Variants in MAN2A1 observed in about 807,000 individuals in gnomAD.
MAN2A1 encodes the protein alpha-mannosidase 2.
In MAN2A1, 76 loss-of-function variants were observed where a neutral mutation model predicts 142.6. The ratio of observed to expected loss-of-function variants is 0.53; its 90% confidence interval spans 0.44 to 0.65. The LOEUF is 0.65. MAN2A1 is among the 30% of genes least tolerant of loss of function. MAN2A1 has a pLI of 0.00. For synonymous variants in MAN2A1, 559 were observed against 473.2 expected (o/e 1.18, Z -2.35); for missense variants, 1,311 against 1,365.1 (o/e 0.96, Z 0.62).
chr5:109,745,466 G>A lies in MAN2A1; in HGVS notation c.708-9863G>A, dbSNP rs556478155. 2.7e-3 allele frequency among the ~76,000 whole-genome samples: 410 copies of A among 152,060 alleles called. 3 individuals are homozygous for A. The highest frequency in any genetic ancestry group is 9.0e-3 in the African/African-American group (373 of 41,490). The stretch of plus-strand genomic sequence containing the variant: ...GAGTTTTTAAATTTTATTCTTTAAC[G>A]TCTTTCACATTTTTCAACTTATTTT... On this transcript the variant is annotated intron_variant, in intron 4 of 21. Transcript: ENST00000261483.
At chr5:109,834,590 G>C (rs911524303) in intron 16 of MAN2A1, among the ~76,000 whole-genome samples, 1 of 151,880 alleles carries the variant, frequency 6.6e-6, no homozygotes, top group Non-Finnish European at 1.5e-5. Context: ...TTTAGTTTTT[G>C]ACATTTTCAT....
intron 12 of MAN2A1, among the ~76,000 whole-genome samples, chr5:109,803,732 G>T (rs13175917): frequency 0.17 from 25,930 of 151,932 alleles, 3,210 homozygotes; most frequent in East Asian, 0.64. Context: ...AAGACGAGGT[G>T]GTGTCAAAGA....
intron 5 of MAN2A1, among the ~76,000 whole-genome samples, chr5:109,759,656 G>A (rs1314348008): frequency 1.3e-5 from 2 of 152,118 alleles, no homozygotes; most frequent in African/African-American, 4.8e-5. Flanking sequence ...AGTTTATGTT[G>A]CAGCTTATGT....
intron 16 of MAN2A1, among the ~76,000 whole-genome samples, chr5:109,838,464 G>C (rs2112751978): frequency 6.6e-6 from 1 of 152,278 alleles, no homozygotes; most frequent in African/African-American, 2.4e-5. Context: ...GTGATGCACA[G>C]GTAAAACAGA....
chr5:109,792,331 G>A (rs1306433283), intron 12 of MAN2A1, among the ~76,000 whole-genome samples: 1 of 151,726 alleles, frequency 6.6e-6, no homozygotes, highest in Non-Finnish European at 1.5e-5. Flanking sequence ...TCTCATCTGT[G>A]AAATGCATCT....
intron 19 of MAN2A1, among the ~76,000 whole-genome samples, chr5:109,850,966 A>G (rs1355349839): frequency 2.0e-5 from 3 of 152,216 alleles, no homozygotes; most frequent in Admixed American, 6.5e-5. Flanking sequence ...AGTTAATACC[A>G]TGTAACTTGA....
intron 16 of MAN2A1, among the ~76,000 whole-genome samples, chr5:109,824,977 T>C (rs755492615): frequency 3.1e-4 from 47 of 152,170 alleles, no homozygotes; most frequent in Non-Finnish European, 1.0e-4. Flanking sequence ...ATAGGATGAA[T>C]CAAGAAGTAA....
At chr5:109,815,448 A>G (rs767166371) in intron 12 of MAN2A1, among the ~76,000 whole-genome samples, 9 of 152,162 alleles carry the variant, frequency 5.9e-5, no homozygotes, top group Admixed American at 2.0e-4. Context: ...TCTCTTGTAT[A>G]CATATGGAAT....
intron 9 of MAN2A1, among the ~76,000 whole-genome samples, chr5:109,783,200 A>G (rs1281261277): frequency 5.9e-5 from 9 of 152,160 alleles, no homozygotes; most frequent in Non-Finnish European, 1.0e-4. Flanking sequence ...ACTGCTAGTA[A>G]TATATTTGGA....
chr5:109,810,137 A>G (rs1168370681), intron 12 of MAN2A1, among the ~76,000 whole-genome samples: 1 of 151,594 alleles, frequency 6.6e-6, no homozygotes, highest in East Asian at 1.9e-4. Flanking sequence ...TTCCTTGGCC[A>G]TATTAATTAT....
intron 4 of MAN2A1, among the ~76,000 whole-genome samples, chr5:109,749,237 T>G (rs1034985762): frequency 6.6e-6 from 1 of 152,252 alleles, no homozygotes; most frequent in East Asian, 1.9e-4. Flanking sequence ...TGTCCTTCTG[T>G]GTGTGACCAA....
intron 4 of MAN2A1, among the ~76,000 whole-genome samples, chr5:109,749,441 G>C (rs1752490697): frequency 6.6e-6 from 1 of 152,084 alleles, no homozygotes; most frequent in African/African-American, 2.4e-5. Flanking sequence ...ATAGAAACAT[G>C]GTGGTATTTT....
chr5:109,716,055 C>G (rs1751443280), intron 2 of MAN2A1, 65 bp from the exon 3 acceptor site: 1 of 1,166,700 alleles, frequency 8.6e-7, no homozygotes, highest in Admixed American at 2.1e-5. Context: ...TAATTTTGAG[C>G]AAATATTTAC....
At chr5:109,848,801 G>A (rs1055874460) in intron 19 of MAN2A1, among the ~76,000 whole-genome samples, 1 of 152,140 alleles carries the variant, frequency 6.6e-6, no homozygotes, top group Non-Finnish European at 1.5e-5. Context: ...ATGGAATACA[G>A]CCTTCCTTCA....
In MAN2A1 at chr5:109,770,516, A is replaced by G. The variant is rs778864343; in HGVS notation, c.1171A>G (p.Ile391Val). Residue 391 changes from isoleucine to valine, a missense_variant, in exon 7 of 22, where the codon ATA (isoleucine) becomes GTA (valine). Physicochemically the swap from Ile to Val is conservative, Grantham distance 29. Around this residue, in one of 3 missense-constraint regions of MAN2A1, gnomAD observed 890 missense variants for 920.5 expected, o/e 0.97. Coordinates refer to ENST00000261483, the MANE Select transcript of MAN2A1 (RefSeq NM_002372.4). ...TCCCTGGGGAGTCCCCCCAGAAACA[A>G]TACATCCTGGAAATGTCCAAAGCAG... ...GCPWGVPPETIHPGNVQSRAR... is the reference protein window; with the variant it reads ...GCPWGVPPETVHPGNVQSRAR... The G allele has an allele frequency of 8.7e-6, 14 of 1,613,730 alleles. No individual in the cohort carries two copies. The highest frequency in any genetic ancestry group is 3.3e-5 in the Admixed American group (2 of 59,966).
intron 12 of MAN2A1, among the ~76,000 whole-genome samples, chr5:109,796,641 T>C (rs1753870402): frequency 6.6e-6 from 1 of 152,194 alleles, no homozygotes; most frequent in South Asian, 2.1e-4. Context: ...AAATTGCTGT[T>C]GGTGGTGGCA....
In MAN2A1 at chr5:109,782,975, A is replaced by G. The variant is rs976647806; in HGVS notation, c.1577+1377A>G. ...TAATGGAATATATCTTATTAAATTT[A>G]AAATAATGTTTACATATTATAGTGA... is the stretch of plus-strand genomic sequence containing the variant. On this transcript the variant is annotated intron_variant, in intron 9 of 21. Transcript: ENST00000261483. Among the ~76,000 whole-genome samples the G allele has an allele frequency of 2.0e-5, 3 of 152,092 alleles. No homozygotes were observed. In the East Asian group the frequency reaches 5.8e-4, roughly 29 times the overall value.
intron 1 of MAN2A1, among the ~76,000 whole-genome samples, chr5:109,704,444 A>C (rs1037612094): frequency 6.6e-6 from 1 of 152,196 alleles, no homozygotes; most frequent in African/African-American, 2.4e-5. Context: ...CAGGCATGTT[A>C]GGCTCTGAGT....
At chr5:109,758,886 T>G (rs1752762981) in intron 5 of MAN2A1, among the ~76,000 whole-genome samples, 1 of 151,980 alleles carries the variant, frequency 6.6e-6, no homozygotes, top group African/African-American at 2.4e-5. Flanking sequence ...GGCACACTTG[T>G]TAACAGTTAG....
Sources: allele counts gnomAD v4.1 joint callset (sites outside exome capture counted in the v4.1 genomes callset), GRCh38; gene constraint gnomAD v4.1.1; regional missense constraint gnomAD v4.1.1; transcripts MANE v1.5; gene names NCBI Gene and HGNC (gene_info 2026-07-23, HGNC 2026-07-21).